LINGO2: variants seen among roughly 807,000 people sequenced by gnomAD.
LINGO2 encodes leucine rich repeat and Ig domain containing 2.
LINGO2 carries 14 observed loss-of-function variants against 30.6 expected under a neutral mutation model. The observed-to-expected ratio is 0.46, with a 90% CI of 0.30 to 0.72. LINGO2 has a LOEUF of 0.72. Ranked by LOEUF, LINGO2 falls within the 30% of genes least tolerant of loss-of-function variation. The pLI is 0.07. For synonymous variants in LINGO2, 317 were observed against 288.5 expected (o/e 1.10, Z -1.00); for missense variants, 729 against 751.7 (o/e 0.97, Z 0.35).
intron 4 of LINGO2, among the ~76,000 whole-genome samples, chr9:28,225,117 A>C (rs1340008525): frequency 6.6e-6 from 1 of 152,168 alleles, no homozygotes; most frequent in Non-Finnish European, 1.5e-5. Flanking sequence ...AAGTCAAATC[A>C]AAATAGATTA....
At chr9:28,190,875 T>G (rs534821669) in intron 4 of LINGO2, among the ~76,000 whole-genome samples, 15 of 152,330 alleles carry the variant, frequency 9.8e-5, no homozygotes, top group Non-Finnish European at 1.9e-4. Flanking sequence ...AAGATGATAT[T>G]AATGAATTAT....
chr9:29,007,675 A>G, the LINGO2 span, among the ~76,000 whole-genome samples: 14 of 152,076 alleles, frequency 9.2e-5, no homozygotes, highest in African/African-American at 2.2e-4. Context: ...TCTGAGACCA[A>G]TGATAGAGGA....
intron 4 of LINGO2, among the ~76,000 whole-genome samples, chr9:28,164,104 T>G (rs1187827760): frequency 6.6e-6 from 1 of 152,174 alleles, no homozygotes; most frequent in Non-Finnish European, 1.5e-5. Flanking sequence ...AAATTAATAA[T>G]AAACTGTAAT....
chr9:28,953,223 G>T, the LINGO2 span, among the ~76,000 whole-genome samples: 5 of 152,088 alleles, frequency 3.3e-5, no homozygotes, highest in Non-Finnish European at 7.4e-5. Context: ...CATTCTTTGA[G>T]TATCATTACT....
At chr9:28,319,448 A>C (rs1824959496) in intron 3 of LINGO2, among the ~76,000 whole-genome samples, 1 of 152,206 alleles carries the variant, frequency 6.6e-6, no homozygotes, top group Non-Finnish European at 1.5e-5. Context: ...GTATCTACAA[A>C]ATTGCTTTTA....
chr9:28,894,520 T>C, the LINGO2 span, among the ~76,000 whole-genome samples: 3 of 151,998 alleles, frequency 2.0e-5, no homozygotes, highest in African/African-American at 7.2e-5. Flanking sequence ...CACCCTGATA[T>C]TAAAATACAC....
chr9:28,604,615 G>A (rs10968667), intron 1 of LINGO2, among the ~76,000 whole-genome samples: 46,314 of 151,800 alleles, frequency 0.31, 7,280 homozygotes, highest in Admixed American at 0.39. Context: ...AGAGGCAAAT[G>A]ATTTTATCTG....
chr9:28,014,180 G>C (rs560019052), intron 4 of LINGO2, among the ~76,000 whole-genome samples: 1 of 152,104 alleles, frequency 6.6e-6, no homozygotes, highest in African/African-American at 2.4e-5. Flanking sequence ...CAGTTGGTGC[G>C]CTCGAGCATT....
chr9:28,778,588 T>A, the LINGO2 span, among the ~76,000 whole-genome samples: 1 of 152,180 alleles, frequency 6.6e-6, no homozygotes, highest in Admixed American at 6.5e-5. Flanking sequence ...TTTCAGTTCA[T>A]TTACAAAGGC....
chr9:28,045,332 C>T (rs1824371141), intron 4 of LINGO2, among the ~76,000 whole-genome samples: 1 of 152,134 alleles, frequency 6.6e-6, no homozygotes, highest in African/African-American at 2.4e-5. Flanking sequence ...ATTTTATAGA[C>T]AGACTGCTTA....
the LINGO2 span, among the ~76,000 whole-genome samples, chr9:29,190,074 AT>A: frequency 6.6e-6 from 1 of 151,350 alleles, no homozygotes; most frequent in African/African-American, 2.4e-5. Context: ...GGGGAGCTAC[AT>A]TTCAATTTTT....
chr9:28,352,059 A>G (rs1054563657), intron 3 of LINGO2, among the ~76,000 whole-genome samples: 55 of 150,134 alleles, frequency 3.7e-4, no homozygotes, highest in African/African-American at 1.2e-3. Context: ...GAATGGGCAA[A>G]AACTGGAAGC....
Position 28,371,368 on chromosome 9 carries a change from G to A in LINGO2, c.-246+1468C>T, listed in dbSNP as rs562397187. On this transcript the variant is annotated intron_variant, in intron 3 of 5. Coordinates refer to ENST00000379992, the Ensembl canonical transcript of LINGO2. ...TGTATGTCTCATTGTTCTGGAGTCTGGGAAGTCCAAGATCAAGGTACAGGC... is the reference window on the plus strand; with the variant it reads ...TGTATGTCTCATTGTTCTGGAGTCTAGGAAGTCCAAGATCAAGGTACAGGC... Among the ~76,000 whole-genome samples, 7 of 152,260 alleles carry A rather than the reference G, an allele frequency of 4.6e-5. No homozygotes were observed. In the East Asian group the frequency reaches 1.2e-3, roughly 25 times the overall value.
intron 4 of LINGO2, among the ~76,000 whole-genome samples, chr9:28,134,018 T>A (rs552769681): frequency 2.6e-5 from 4 of 152,174 alleles, no homozygotes; most frequent in African/African-American, 9.7e-5. Context: ...TCTAAACATA[T>A]AGTATCCTTC....
At chr9:28,804,861 A>G in the LINGO2 span, among the ~76,000 whole-genome samples, 2 of 152,134 alleles carry the variant, frequency 1.3e-5, no homozygotes, top group Non-Finnish European at 2.9e-5. Context: ...GTGCTTCTTA[A>G]GATGAATGAT....
At chr9:28,604,502 T>G (rs940190382) in intron 1 of LINGO2, among the ~76,000 whole-genome samples, 2 of 152,048 alleles carry the variant, frequency 1.3e-5, no homozygotes, top group African/African-American at 2.4e-5. Context: ...AATCATGTGT[T>G]TTTCAGTAGA....
the LINGO2 span, among the ~76,000 whole-genome samples, chr9:29,021,486 T>C: frequency 6.6e-6 from 1 of 151,948 alleles, no homozygotes; most frequent in Non-Finnish European, 1.5e-5. Flanking sequence ...TGAAACCCCA[T>C]CTCTATTAAA....
intron 2 of LINGO2, among the ~76,000 whole-genome samples, chr9:28,408,667 C>A (rs1472480767): frequency 6.7e-6 from 1 of 149,982 alleles, no homozygotes; most frequent in Non-Finnish European, 1.5e-5. Context: ...ATACCTAATG[C>A]TAAATGACCA....
chr9:28,424,872 C>A (rs2134902008), intron 2 of LINGO2, among the ~76,000 whole-genome samples: 1 of 152,128 alleles, frequency 6.6e-6, no homozygotes, highest in African/African-American at 2.4e-5. Flanking sequence ...ATTAAGCAGG[C>A]CTTGTTTGAG....
Sources: gnomAD v4.1 joint callset for allele counts (sites outside exome capture counted in the v4.1 genomes callset) on GRCh38, gnomAD v4.1.1 for gene constraint, MANE v1.5 for transcripts, NCBI Gene and HGNC (gene_info 2026-07-23, HGNC 2026-07-21) for gene names.